The following SLC25A21 variants were observed in gnomAD, a reference collection of about 807,000 sequenced individuals.
SLC25A21 encodes mitochondrial 2-oxodicarboxylate carrier.
A neutral mutation model predicts 43.8 loss-of-function variants in SLC25A21; 47 were observed. The observed-to-expected ratio is 1.07, with a 90% CI of 0.85 to 1.37. The LOEUF (loss-of-function observed/expected upper bound fraction) is 1.37. Among genes scored for constraint, SLC25A21 ranks in the 40% most tolerant of loss-of-function variants. The pLI, the probability that SLC25A21 is intolerant of heterozygous loss-of-function variation, is 0.00. For synonymous variants in SLC25A21, 131 were observed against 121.3 expected (o/e 1.08, Z -0.52); for missense variants, 352 against 350.2 (o/e 1.00, Z -0.04).
chr14:36,997,548 G>T (rs932732894), intron 1 of SLC25A21, among the ~76,000 whole-genome samples: 4 of 152,204 alleles, frequency 2.6e-5, no homozygotes, highest in Non-Finnish European at 4.4e-5. Flanking sequence ...TATTATTTAG[G>T]TTGGGCACAA....
chr14:36,760,331 A>AGAAGGAAGGAAGGAAGGAAG (rs57996006), intron 3 of SLC25A21, among the ~76,000 whole-genome samples: 112 of 136,750 alleles, frequency 8.2e-4, no homozygotes, highest in Middle Eastern at 3.5e-3. Flanking sequence ...GCAGCTAGGC[A>AGAAGGAAGGAAGGAAGGAAG]GAAGGAAGGA....
chr14:37,048,166 C>T (rs1468512835), intron 1 of SLC25A21, among the ~76,000 whole-genome samples: 2 of 152,044 alleles, frequency 1.3e-5, no homozygotes, highest in Non-Finnish European at 2.9e-5. Flanking sequence ...ATGTCCATTC[C>T]TCCCTCAACA....
At chr14:36,792,291 CTG>C (rs2138402634) in intron 3 of SLC25A21, among the ~76,000 whole-genome samples, 1 of 152,268 alleles carries the variant, frequency 6.6e-6, no homozygotes, top group East Asian at 1.9e-4. Flanking sequence ...GGTCTGCTAT[CTG>C]AAATCTTTAT....
At chr14:37,106,944 G>A (rs1308640519) in intron 1 of SLC25A21, among the ~76,000 whole-genome samples, 2 of 152,162 alleles carry the variant, frequency 1.3e-5, no homozygotes. Context: ...TCCCCCGATA[G>A]TTTACAAACA....
intron 4 of SLC25A21, among the ~76,000 whole-genome samples, chr14:36,733,947 AG>A (rs1190424252): frequency 2.6e-5 from 4 of 152,240 alleles, no homozygotes; most frequent in Non-Finnish European, 4.4e-5. Context: ...AATGGAAATC[AG>A]GGTAGTGGAA....
At chr14:37,110,865 G>T (rs767889950) in intron 1 of SLC25A21, among the ~76,000 whole-genome samples, 1 of 151,996 alleles carries the variant, frequency 6.6e-6, no homozygotes. Flanking sequence ...ACTATTGGAA[G>T]AACTTGTCTG....
intron 3 of SLC25A21, among the ~76,000 whole-genome samples, chr14:36,781,677 T>C (rs1887068178): frequency 6.6e-6 from 1 of 152,244 alleles, no homozygotes; most frequent in Non-Finnish European, 1.5e-5. Flanking sequence ...TTATTGTGTA[T>C]CCATAACAAA....
intron 1 of SLC25A21, among the ~76,000 whole-genome samples, chr14:37,033,666 T>C (rs1961266467): frequency 6.6e-6 from 1 of 152,210 alleles, no homozygotes; most frequent in Non-Finnish European, 1.5e-5. Context: ...CTCCTTTTGA[T>C]GGGATATTTA....
chr14:36,719,064 A>T (rs779008789), intron 6 of SLC25A21, among the ~76,000 whole-genome samples: 2 of 152,336 alleles, frequency 1.3e-5, no homozygotes, highest in Non-Finnish European at 2.9e-5. Context: ...AGGAAAACAT[A>T]ACCCTTTAGC....
At chr14:36,959,575 C>T (rs1959436395) in intron 1 of SLC25A21, among the ~76,000 whole-genome samples, 1 of 152,088 alleles carries the variant, frequency 6.6e-6, no homozygotes, top group Non-Finnish European at 1.5e-5. Context: ...AGAAAGGGCA[C>T]TGGTCTCATG....
intron 3 of SLC25A21, among the ~76,000 whole-genome samples, chr14:36,745,048 G>A (rs1885436445): frequency 7.3e-6 from 1 of 137,632 alleles, no homozygotes; most frequent in African/African-American, 2.8e-5. Flanking sequence ...CTGTGTCCAT[G>A]TGTTCTCATT....
chr14:36,777,195 T>C (rs1427593178), intron 3 of SLC25A21, among the ~76,000 whole-genome samples: 1 of 152,140 alleles, frequency 6.6e-6, no homozygotes, highest in Non-Finnish European at 1.5e-5. Flanking sequence ...GAGGCGGATG[T>C]TGCAATGAGC....
At chr14:37,000,769 A>C (rs894593041) in intron 1 of SLC25A21, among the ~76,000 whole-genome samples, 4 of 151,972 alleles carry the variant, frequency 2.6e-5, no homozygotes, top group Non-Finnish European at 5.9e-5. Context: ...ATGAGCTCTG[A>C]TGGTTTAAAA....
At chr14:37,001,584 A>G (rs1337523719) in intron 1 of SLC25A21, among the ~76,000 whole-genome samples, 2 of 151,490 alleles carry the variant, frequency 1.3e-5, no homozygotes, top group Non-Finnish European at 2.9e-5. Context: ...GCAACCTTTC[A>G]TTTTTTTCTT....
In SLC25A21 at chr14:36,697,655, C is replaced by T. The variant is rs986520011; in HGVS notation, c.604-12730G>A. 2.0e-5 allele frequency among the ~76,000 whole-genome samples: 3 copies of T among 152,078 alleles called. No homozygotes were observed. The East Asian group carries it at 5.8e-4, about 29-fold the overall frequency. On this transcript the variant is annotated intron_variant, in intron 7 of 9. Coordinates refer to ENST00000331299, the MANE Select transcript of SLC25A21 (RefSeq NM_030631.4). ...CTTCTTGTTGAATTGATCCCTTTAC[C>T]ATTATGTAATGGCCTTCTTTGTCTC... is the stretch of plus-strand genomic sequence containing the variant.
intron 2 of SLC25A21, among the ~76,000 whole-genome samples, chr14:36,822,672 G>C (rs546769933): frequency 6.6e-6 from 1 of 152,312 alleles, no homozygotes; most frequent in East Asian, 1.9e-4. Flanking sequence ...TCTGTGCTAT[G>C]TAATTTTGAA....
intron 1 of SLC25A21, among the ~76,000 whole-genome samples, chr14:36,906,427 G>T (rs1244446727): frequency 6.6e-6 from 1 of 152,026 alleles, no homozygotes; most frequent in Non-Finnish European, 1.5e-5. Flanking sequence ...AGTGCCTATG[G>T]TTGTAGATGG....
At chr14:36,982,623 T>C (rs1960054504) in intron 1 of SLC25A21, among the ~76,000 whole-genome samples, 1 of 152,130 alleles carries the variant, frequency 6.6e-6, no homozygotes, top group Non-Finnish European at 1.5e-5. Context: ...AAGACCAGCC[T>C]GACCAACATG....
chr14:36,716,375 T>C (rs1199588101), intron 6 of SLC25A21, among the ~76,000 whole-genome samples: 2 of 152,036 alleles, frequency 1.3e-5, no homozygotes, highest in Admixed American at 6.5e-5. Flanking sequence ...TTGTACTGTT[T>C]TAGGGATTTT....
Sources: gnomAD v4.1 joint callset for allele counts (sites outside exome capture counted in the v4.1 genomes callset) on GRCh38, gnomAD v4.1.1 for gene constraint, MANE v1.5 for transcripts, NCBI Gene and HGNC (gene_info 2026-07-23, HGNC 2026-07-21) for gene names.